The following VPS13D variants were observed in gnomAD, a reference collection of about 807,000 sequenced individuals.
VPS13D encodes vacuolar protein sorting 13 homolog D.
In VPS13D, 187 loss-of-function variants were observed where a neutral mutation model predicts 461.9. The observed-to-expected ratio is 0.40, with a 90% CI of 0.36 to 0.46. The LOEUF is 0.46. VPS13D is among the 20% of genes least tolerant of loss of function. VPS13D has a pLI of 0.60. For missense variants in VPS13D, 4,711 were observed against 5,364.9 expected, an observed-to-expected ratio of 0.88 and a Z score of 3.81; for synonymous variants, 1,951 against 1,986.3, an observed-to-expected ratio of 0.98 and a Z score of 0.47.
intron 39 of VPS13D, chr1:12,337,630 T>C (rs1289193416): frequency 3.3e-5 from 5 of 152,290 alleles, no homozygotes; most frequent in Non-Finnish European, 7.3e-5. Context: ...GTGTGGCACT[T>C]CATTGAATTT....
intron 54 of VPS13D, among the ~76,000 whole-genome samples, chr1:12,371,278 T>C (rs1644112352): frequency 6.6e-6 from 1 of 152,200 alleles, no homozygotes; most frequent in Non-Finnish European, 1.5e-5. Context: ...TGACCTATTC[T>C]GGACATTCAC....
In VPS13D at chr1:12,304,728, G is replaced by T; in HGVS notation, c.6439G>T (p.Glu2147Ter). The change falls in exon 26 of 70, where the codon GAA becomes TAA. Residue 2147 changes from glutamate to a stop codon, truncating the protein, a stop_gained and splice_region_variant. Coordinates refer to ENST00000620676, the MANE Select transcript of VPS13D (RefSeq NM_015378.4). LOFTEE classifies it high-confidence loss of function. ...LSVGQESSSP[E>*]DHVCLLDCVV... Reference sequence around the variant, plus strand: ...TGTTGGCCAAGAGTCCAGTAGTCCAGGTAAAAGAGGAGAAAAGCAACATAA... The same window carrying T: ...TGTTGGCCAAGAGTCCAGTAGTCCATGTAAAAGAGGAGAAAAGCAACATAA... 3 of 1,613,726 alleles carry T rather than the reference G, an allele frequency of 1.9e-6. No homozygotes were observed. Among genetic ancestry groups the T allele is most frequent in the Non-Finnish European group, 2.5e-6 (3 of 1,180,016 alleles).
At position 12,249,206 on chromosome 1, in the gene VPS13D, CT is replaced by C. The variant is rs780880035; in HGVS notation, c.448-11del. The C allele has an allele frequency of 6.3e-7, 1 of 1,593,014 alleles. No individual in the cohort carries two copies. Among genetic ancestry groups the C allele is most frequent in the Non-Finnish European group, 8.6e-7 (1 of 1,165,594 alleles). On this transcript the variant is annotated splice_polypyrimidine_tract_variant and intron_variant, in intron 5 of 69. Coordinates refer to ENST00000620676, the MANE Select transcript of VPS13D (RefSeq NM_015378.4). Reference sequence around the variant, plus strand: ...TCTGCAGGTGCATCAGCTGCTTTTTCTTTTTTCTCTTTGCAGTTAAAAATTC... The same window carrying C: ...TCTGCAGGTGCATCAGCTGCTTTTTCTTTTTCTCTTTGCAGTTAAAAATTC...
chr1:12,481,859 G>A (rs933888655), intron 67 of VPS13D, among the ~76,000 whole-genome samples: 17 of 152,186 alleles, frequency 1.1e-4, no homozygotes, highest in African/African-American at 4.1e-4. Context: ...GGAATTTCGG[G>A]CAAGCAAGGA....
At chr1:12,307,927 G>A (rs1642613781) in intron 26 of VPS13D, among the ~76,000 whole-genome samples, 1 of 152,206 alleles carries the variant, frequency 6.6e-6, no homozygotes, top group African/African-American at 2.4e-5. Context: ...ATGGAATTAT[G>A]TAGGCCTAAT....
At chr1:12,389,603 A>T (rs566394465) in intron 60 of VPS13D, among the ~76,000 whole-genome samples, 1 of 146,726 alleles carries the variant, frequency 6.8e-6, no homozygotes, top group East Asian at 2.0e-4. Flanking sequence ...TTAACAAAAG[A>T]AAGAGGAAAT....
At position 12,311,481 on chromosome 1, in the gene VPS13D, A is replaced by G. The variant is rs1260171747; in HGVS notation, c.6678A>G (p.Ile2226Met). Reference sequence around the variant, plus strand: ...AAATAAGTCATACTGTGCCAGACATATCTATCCATGGCAATCTCTCCTCAG... The same window carrying G: ...AAATAAGTCATACTGTGCCAGACATGTCTATCCATGGCAATCTCTCCTCAG... ...DKEISHTVPD[I>M]SIHGNLSSVH... Residue 2226 changes from isoleucine (I) to methionine (M), a missense_variant, in exon 28 of 70, where the codon ATA becomes ATG. By Grantham distance (10) the Ile-to-Met change is conservative. Coordinates refer to ENST00000620676, the MANE Select transcript of VPS13D (RefSeq NM_015378.4). 6.2e-7 allele frequency: 1 copy of G among 1,613,876 alleles called. No individual in the cohort carries two copies. The highest frequency in any genetic ancestry group is 2.2e-5 in the East Asian group (1 of 44,882).
chr1:12,349,194 G>A lies in VPS13D; in HGVS notation c.9251G>A (p.Gly3084Glu). The change falls in exon 46 of 70, where the codon GGG (glycine) becomes GAG (glutamate). Residue 3084 changes from glycine to glutamate, a missense_variant. By Grantham distance (98) the Gly-to-Glu change is moderately conservative. Around this residue, in one of 3 missense-constraint regions of VPS13D, gnomAD observed 4,411 missense variants for 4,937.8 expected, o/e 0.89. Transcript: ENST00000620676. ...GTGGTGCTTCCTGCTATCATGCCAG[G>A]GGATTCGTTTGCTGTGCCTTTACAC... is the stretch of plus-strand genomic sequence containing the variant. ...KPVVLPAIMP[G>E]DSFAVPLHLT... 1 of 1,613,976 alleles carries A rather than the reference G, an allele frequency of 6.2e-7. No individual in the cohort carries two copies. The highest frequency in any genetic ancestry group is 1.1e-5 in the South Asian group (1 of 91,072).
At chr1:12,326,834 G>C (rs1468398399) in intron 35 of VPS13D, among the ~76,000 whole-genome samples, 1 of 151,858 alleles carries the variant, frequency 6.6e-6, no homozygotes, top group Admixed American at 6.6e-5. Context: ...TAGTAGAGGC[G>C]GGGTTTCACC....
intron 29 of VPS13D, among the ~76,000 whole-genome samples, chr1:12,312,403 T>TA (rs1642778203): frequency 6.6e-6 from 1 of 152,204 alleles, no homozygotes; most frequent in African/African-American, 2.4e-5. Context: ...TCTGAGTAGT[T>TA]ACGGGGTGGG....
chr1:12,338,386 T>C (rs1203152213), intron 40 of VPS13D, 81 bp downstream of exon 40: 1 of 1,308,734 alleles, frequency 7.6e-7, no homozygotes, highest in East Asian at 2.3e-5. Context: ...TTTTAATGAG[T>C]GGGAGTTGAA....
At chr1:12,456,161 C>A in intron 66 of VPS13D, 31 bp downstream of exon 66, 2 of 1,582,980 alleles carry the variant, frequency 1.3e-6, no homozygotes. Flanking sequence ...GGCTCTGCTG[C>A]TGCTGGTCCT....
Position 12,257,953 on chromosome 1 carries a change from T to G in VPS13D, c.960T>G (p.Tyr320Ter), listed in dbSNP as rs746554225. The G allele has an allele frequency of 6.2e-7, 1 of 1,614,148 alleles. No homozygotes were observed. Among genetic ancestry groups the G allele is most frequent in the South Asian group, 1.1e-5 (1 of 91,078 alleles). The change falls in exon 10 of 70, where the codon TAT becomes TAG. Residue 320 changes from tyrosine (Y) to a stop codon, truncating the protein, a stop_gained. Coordinates refer to ENST00000620676, the MANE Select transcript of VPS13D (RefSeq NM_015378.4). LOFTEE classifies it high-confidence loss of function. Reference protein sequence around the residue: ...AISKNCREWWYFALNANLYEI... With the variant: ...AISKNCREWW ...ATTTCAGCTGCCGAGAATGGTGGTA[T>G]TTTGCTTTGAATGCTAACTTGTATG...
intron 63 of VPS13D, among the ~76,000 whole-genome samples, chr1:12,408,510 C>T (rs1015728135): frequency 1.3e-4 from 20 of 152,044 alleles, no homozygotes; most frequent in South Asian, 4.2e-4. Flanking sequence ...ATTATAGGTG[C>T]GTGCCACCAT....
At chr1:12,455,518 C>G (rs1450647431) in intron 65 of VPS13D, among the ~76,000 whole-genome samples, 2 of 152,186 alleles carry the variant, frequency 1.3e-5, no homozygotes, top group Non-Finnish European at 2.9e-5. Context: ...CTAGTGTCCT[C>G]CATTGTATGC....
rs146527551 is a variant in VPS13D, at chr1:12,275,864, A to C, written c.2276A>C (p.Glu759Ala). Residue 759 changes from glutamate (E) to alanine (A), a missense_variant, in exon 19 of 70, where the codon GAA (glutamate) becomes GCA (alanine). Transcript: ENST00000620676. ...RRKSRDGSAS[E>A]ETQFSDDEYK... ...AAAAGTAGGGATGGGTCAGCATCTG[A>C]AGAGACCCAGTTTAGTGATGATGAA... 14 of 1,612,120 alleles carry C rather than the reference A, an allele frequency of 8.7e-6. No individual in the cohort carries two copies. The highest frequency in any genetic ancestry group is 1.3e-5 in the African/African-American group (1 of 74,800).
chr1:12,372,668 A>G (rs150353801), intron 54 of VPS13D, among the ~76,000 whole-genome samples: 195 of 151,836 alleles, frequency 1.3e-3, no homozygotes, highest in African/African-American at 4.4e-3. Context: ...TTTTACTTTT[A>G]GATTGTGTCC....
chr1:12,322,594 C>G lies in VPS13D; in HGVS notation c.7763C>G (p.Ala2588Gly). The G allele has an allele frequency of 6.2e-7, 1 of 1,614,202 alleles. No individual in the cohort carries two copies. The highest frequency in any genetic ancestry group is 8.5e-7 in the Non-Finnish European group (1 of 1,180,026). Residue 2588 changes from alanine to glycine, a missense_variant, in exon 34 of 70, where the codon GCC becomes GGC. Physicochemically the swap from Ala to Gly is moderately conservative, Grantham distance 60. This residue lies in a region of VPS13D where 4,411 missense variants were observed against 4,937.8 expected (regional missense o/e 0.89). Transcript: ENST00000620676. ...LSYNDVQLFLAIAKSIPEQAN... is the reference protein window; with the variant it reads ...LSYNDVQLFLGIAKSIPEQAN... ...TATAATGATGTTCAGCTGTTTCTTG[C>G]CATTGCAAAATCCATCCCAGAGCAA...
intron 24 of VPS13D, among the ~76,000 whole-genome samples, chr1:12,297,075 AG>A (rs1460847615): frequency 3.3e-5 from 5 of 152,234 alleles, no homozygotes; most frequent in African/African-American, 9.6e-5. Flanking sequence ...TGTTTGAATT[AG>A]GTTTATATAG....
Sources: gnomAD v4.1 joint callset for allele counts (sites outside exome capture counted in the v4.1 genomes callset) on GRCh38, gnomAD v4.1.1 for gene constraint, gnomAD v4.1.1 regional missense constraint, MANE v1.5 for transcripts, NCBI Gene and HGNC (gene_info 2026-07-23, HGNC 2026-07-21) for gene names.